KSR2: variants seen among roughly 807,000 people sequenced by gnomAD.
KSR2 encodes the protein kinase suppressor of ras 2.
KSR2 carries 25 observed loss-of-function variants against 107.8 expected under a neutral mutation model. That is an observed-to-expected ratio of 0.23 (90% CI 0.17 to 0.32). The LOEUF (loss-of-function observed/expected upper bound fraction) is 0.32, where lower values mean the gene tolerates loss of function less well. KSR2 is among the 10% of genes least tolerant of loss of function. The pLI, the probability that KSR2 is intolerant of heterozygous loss-of-function variation, is 1.00. For missense variants in KSR2, 887 were observed against 1,268.9 expected, an observed-to-expected ratio of 0.70 and a Z score of 4.57; for synonymous variants, 480 against 507.0, an observed-to-expected ratio of 0.95 and a Z score of 0.71.
intron 3 of KSR2, among the ~76,000 whole-genome samples, chr12:117,840,438 C>T (rs1241781673): frequency 6.6e-6 from 1 of 152,016 alleles, no homozygotes; most frequent in Non-Finnish European, 1.5e-5. Context: ...CTCTGTTGCC[C>T]AGGCTGGAGT....
intron 8 of KSR2, among the ~76,000 whole-genome samples, chr12:117,558,179 G>A (rs1266934764): frequency 6.6e-6 from 1 of 152,114 alleles, no homozygotes; most frequent in Non-Finnish European, 1.5e-5. Context: ...TTTTTTTGGT[G>A]GGAAGAAAAG....
At chr12:117,864,517 G>A (rs7302899) in intron 1 of KSR2, among the ~76,000 whole-genome samples, 60,690 of 152,014 alleles carry the variant, frequency 0.4, 12,932 homozygotes, top group Middle Eastern at 0.5. Context: ...TGAGTTCTGG[G>A]CTACATTAGT....
chr12:117,468,992 C>G (rs1345149004), intron 19 of KSR2, among the ~76,000 whole-genome samples: 1 of 152,040 alleles, frequency 6.6e-6, no homozygotes, highest in African/African-American at 2.4e-5. Flanking sequence ...CCATGGGGAG[C>G]CCTCAGCAGC....
intron 14 of KSR2, among the ~76,000 whole-genome samples, chr12:117,489,146 C>G (rs1465248332): frequency 6.6e-6 from 1 of 150,554 alleles, no homozygotes; most frequent in Non-Finnish European, 1.5e-5. Flanking sequence ...CAGTGATGGC[C>G]CTTGTGTGTG....
chr12:117,622,880 T>C (rs1882266131), intron 5 of KSR2, among the ~76,000 whole-genome samples: 1 of 152,222 alleles, frequency 6.6e-6, no homozygotes. Flanking sequence ...GCATGAATAC[T>C]GCCCTCTTGG....
chr12:117,933,262 T>A (rs1895744469), intron 1 of KSR2, among the ~76,000 whole-genome samples: 1 of 152,174 alleles, frequency 6.6e-6, no homozygotes, highest in African/African-American at 2.4e-5. Context: ...ATAAGTATGT[T>A]CTGTGCAGTA....
intron 4 of KSR2, among the ~76,000 whole-genome samples, chr12:117,726,622 T>C (rs1018248592): frequency 6.6e-6 from 1 of 152,220 alleles, no homozygotes; most frequent in African/African-American, 2.4e-5. Context: ...TTGCCAAATG[T>C]TGTCTAGGGG....
chr12:117,526,660 C>T (rs931752214), intron 13 of KSR2, among the ~76,000 whole-genome samples: 7 of 152,198 alleles, frequency 4.6e-5, no homozygotes, highest in African/African-American at 1.7e-4. Flanking sequence ...TCATGTATTT[C>T]TGCAGCCACT....
chr12:117,925,127 CT>C lies in KSR2; in HGVS notation c.180+42948del, dbSNP rs770736440. Among the ~76,000 whole-genome samples, 1,209 of 141,092 alleles carry C rather than the reference CT, an allele frequency of 8.6e-3. 11 individuals are homozygous for C. Among genetic ancestry groups the C allele is most frequent in the African/African-American group, 0.022 (860 of 38,948 alleles). 92.6% of individuals were successfully genotyped at this position (141,092 alleles called of 152,430 possible). ...AAGTTTGTTATACTATATTTTCTTT[CT>C]TTTTTTTTTTTTTCAGACAGGGTCT... On this transcript the variant is annotated intron_variant, in intron 1 of 19. Transcript: ENST00000339824.
At chr12:117,549,330 A>T (rs1444939595) in intron 9 of KSR2, among the ~76,000 whole-genome samples, 1 of 152,210 alleles carries the variant, frequency 6.6e-6, no homozygotes, top group African/African-American at 2.4e-5. Flanking sequence ...CGAGGAAAAG[A>T]AAGTCAGGCA....
chr12:117,949,863 C>G (rs1896308873), intron 1 of KSR2, among the ~76,000 whole-genome samples: 1 of 152,070 alleles, frequency 6.6e-6, no homozygotes, highest in African/African-American at 2.4e-5. Flanking sequence ...TGCTTAAGAT[C>G]TGTGTGTTTC....
At chr12:117,939,167 C>T (rs1019821668) in intron 1 of KSR2, among the ~76,000 whole-genome samples, 2 of 152,146 alleles carry the variant, frequency 1.3e-5, no homozygotes, top group Admixed American at 1.3e-4. Context: ...TTTGTTGTTT[C>T]AGGAAATACC....
chr12:117,738,343 G>T (rs1013951773), intron 4 of KSR2, among the ~76,000 whole-genome samples: 2 of 152,116 alleles, frequency 1.3e-5, no homozygotes, highest in Non-Finnish European at 2.9e-5. Flanking sequence ...TCCAAGAAAC[G>T]CACCGTTAGA....
At chr12:117,952,101 T>A (rs1358629481) in intron 1 of KSR2, among the ~76,000 whole-genome samples, 4 of 151,908 alleles carry the variant, frequency 2.6e-5, no homozygotes, top group African/African-American at 9.7e-5. Flanking sequence ...CTATAGTTAA[T>A]AATACTATAC....
intron 3 of KSR2, among the ~76,000 whole-genome samples, chr12:117,820,602 C>T (rs866388319): frequency 2.0e-5 from 3 of 152,130 alleles, no homozygotes; most frequent in Non-Finnish European, 2.9e-5. Flanking sequence ...AGGAAGACTT[C>T]GGGCAGGTGC....
intron 4 of KSR2, among the ~76,000 whole-genome samples, chr12:117,744,986 T>TC (rs760342912): frequency 6.6e-6 from 1 of 151,842 alleles, no homozygotes; most frequent in Non-Finnish European, 1.5e-5. Context: ...GTCACTTAAC[T>TC]CCCCCCAACA....
chr12:117,469,806 C>G lies in KSR2; in HGVS notation c.2713-11G>C. Reference sequence around the variant, plus strand: ...GAAGAGAAGAATGTCCTAAATGAAACCAATGTGTGGTGATTACACATAAAT... The same window carrying G: ...GAAGAGAAGAATGTCCTAAATGAAAGCAATGTGTGGTGATTACACATAAAT... On this transcript the variant is annotated splice_polypyrimidine_tract_variant and intron_variant, in intron 18 of 19. Coordinates refer to ENST00000339824, the MANE Select transcript of KSR2 (RefSeq NM_173598.6). 3 of 1,613,632 alleles carry G rather than the reference C, an allele frequency of 1.9e-6. No homozygotes were observed. The highest frequency in any genetic ancestry group is 2.5e-6 in the Non-Finnish European group (3 of 1,179,740).
At chr12:117,526,402 G>A (rs1457617901) in intron 13 of KSR2, among the ~76,000 whole-genome samples, 1 of 152,214 alleles carries the variant, frequency 6.6e-6, no homozygotes, top group Non-Finnish European at 1.5e-5. Context: ...GCCTGAGAAG[G>A]TGGCTTCTTG....
At chr12:117,870,931 A>C (rs1337390870) in intron 1 of KSR2, among the ~76,000 whole-genome samples, 1 of 152,170 alleles carries the variant, frequency 6.6e-6, no homozygotes, top group Non-Finnish European at 1.5e-5. Flanking sequence ...AAACCCAGAA[A>C]ACTGCACAGA....
Sources: gnomAD v4.1 joint callset for allele counts (sites outside exome capture counted in the v4.1 genomes callset) on GRCh38, gnomAD v4.1.1 for gene constraint, MANE v1.5 for transcripts, NCBI Gene and HGNC (gene_info 2026-07-23, HGNC 2026-07-21) for gene names.